The following HDAC2 variants were observed in gnomAD, a reference collection of about 807,000 sequenced individuals.
HDAC2 encodes histone deacetylase 2.
HDAC2 carries 5 observed loss-of-function variants against 68.5 expected under a neutral mutation model. That is an observed-to-expected ratio of 0.07 (90% confidence interval 0.04 to 0.15). The LOEUF is 0.15. Ranked by LOEUF, HDAC2 falls within the 10% of genes least tolerant of loss-of-function variation. The pLI, the probability that HDAC2 is intolerant of heterozygous loss-of-function variation, is 1.00. For synonymous variants in HDAC2, 182 were observed against 191.3 expected, an observed-to-expected ratio of 0.95 and a Z score of 0.40; for missense variants, 291 against 600.8, an observed-to-expected ratio of 0.48 and a Z score of 5.39.
intron 1 of HDAC2, among the ~76,000 whole-genome samples, chr6:113,965,744 A>G (rs897221601): frequency 2.0e-5 from 3 of 152,178 alleles, no homozygotes; most frequent in African/African-American, 7.2e-5. Context: ...TATTTGGCAC[A>G]CAGTAGGAAC....
Position 113,934,528 on chromosome 6 carries a change from T to C in HDAC2, c.*6530A>G, listed in dbSNP as rs1301925965. The C allele has an allele frequency of 1.3e-5, 2 of 152,184 alleles. No individual in the cohort carries two copies. Among genetic ancestry groups the C allele is most frequent in the Admixed American group, 1.3e-4 (2 of 15,278 alleles). The allele number at this position is 152,184 out of a possible 1,614,324, so 9.4% of individuals were successfully genotyped here. ...GGTCGGAAGTACAAACAATTTAAGATGAGGCTTGTTTACCTTACCTATAGG... is the reference window on the plus strand; with the variant it reads ...GGTCGGAAGTACAAACAATTTAAGACGAGGCTTGTTTACCTTACCTATAGG... On this transcript the variant is annotated 3_prime_UTR_variant, in exon 14 of 14. Transcript: ENST00000519065.
chr6:113,956,240 C>A, intron 4 of HDAC2, 89 bp from the exon 5 acceptor site: 1 of 1,044,692 alleles, frequency 9.6e-7, no homozygotes, highest in Non-Finnish European at 1.4e-6. Context: ...GTATGCCATG[C>A]ATAAGCAAGA....
chr6:113,954,199 C>T (rs1473282911), intron 5 of HDAC2, among the ~76,000 whole-genome samples: 1 of 152,184 alleles, frequency 6.6e-6, no homozygotes, highest in Non-Finnish European at 1.5e-5. Flanking sequence ...CTTCTCATGT[C>T]ATCCTTTTGA....
chr6:113,970,063 T>C (rs1360292850), intron 1 of HDAC2: 1 of 152,082 alleles, frequency 6.6e-6, no homozygotes, highest in East Asian at 1.9e-4. Flanking sequence ...TCCTACGAAG[T>C]CTTTCTGCCT....
chr6:113,960,086 GTA>G (rs908086196), intron 1 of HDAC2, 68 bp from the exon 2 acceptor site: 2 of 802,064 alleles, frequency 2.5e-6, no homozygotes. Flanking sequence ...TTGAATTTAT[GTA>G]TGTCTATCAT....
rs751710069 is a variant in HDAC2, at chr6:113,956,742, A to C, written c.284-49T>G. On this transcript the variant is annotated intron_variant, in intron 3 of 13. Transcript: ENST00000519065. Reference sequence around the variant, plus strand: ...TTTCAACACATTCTGCAAATTAATGAAAGCCTTTTCTTACAAAAACTATTT... The same window carrying C: ...TTTCAACACATTCTGCAAATTAATGCAAGCCTTTTCTTACAAAAACTATTT... The C allele has an allele frequency of 2.1e-5, 29 of 1,358,832 alleles. No homozygotes were observed. In the East Asian group the frequency reaches 3.2e-4, roughly 15 times the overall value. 84.2% of individuals were successfully genotyped at this position (1,358,832 alleles called of 1,614,324 possible).
At chr6:113,949,406 A>G in intron 6 of HDAC2, 146 bp from the exon 7 acceptor site, 3 of 623,384 alleles carry the variant, frequency 4.8e-6, no homozygotes, top group Non-Finnish European at 8.6e-6. Context: ...GGAACAATCA[A>G]ACTGAGAAAG....
chr6:113,956,904 TATC>T, intron 3 of HDAC2: 1 of 473,982 alleles, frequency 2.1e-6, no homozygotes, highest in Non-Finnish European at 3.8e-6. Context: ...CATCAAATCT[TATC>T]AGGATTATCT....
In HDAC2 at chr6:113,939,206, C is replaced by G. The variant is rs975292757; in HGVS notation, c.*1852G>C. The G allele has an allele frequency of 6.6e-6, 1 of 152,388 alleles. No individual in the cohort carries two copies. The allele number at this position is 152,388 out of a possible 1,614,324, so 9.4% of individuals were successfully genotyped here. ...CCCCTGTTGTCCTGTGAGCTGCAGG[C>G]ACTGGGAAATCCACAGGGAGGATGC... On this transcript the variant is annotated 3_prime_UTR_variant, in exon 14 of 14. Transcript: ENST00000519065.
At chr6:113,967,699 A>G (rs1776856334) in intron 1 of HDAC2, among the ~76,000 whole-genome samples, 1 of 152,240 alleles carries the variant, frequency 6.6e-6, no homozygotes. Context: ...TAAAAATGTG[A>G]GTGGTATAAC....
Position 113,949,269 on chromosome 6 carries a change from C to A in HDAC2, c.640-9G>T. On this transcript the variant is annotated splice_polypyrimidine_tract_variant and intron_variant, in intron 6 of 13. Transcript: ENST00000519065. ...TTTCCAGCACCAATATCCTAAAATA[C>A]ATAATTAAACTGATCTTAGAGAATA... 1 of 1,444,648 alleles carries A rather than the reference C, an allele frequency of 6.9e-7. No homozygotes were observed. Among genetic ancestry groups the A allele is most frequent in the Non-Finnish European group, 9.7e-7 (1 of 1,025,938 alleles). The allele number at this position is 1,444,648 out of a possible 1,614,324, so 89.5% of individuals were successfully genotyped here. A position where few individuals can be genotyped will look rare whatever the true frequency, so the allele number is the denominator to read the frequency against.
In HDAC2 at chr6:113,943,379, A is replaced by T. The variant is rs769362495; in HGVS notation, c.1350T>A (p.Asp450Glu). ...TTTTTTTGTCCTCTGTTTCTTTCTT[A>T]TCTTCTTCAATTCTAGCTTTCTTTG... ...KGAKKARIEEDKKETEDKKTD... is the reference protein window; with the variant it reads ...KGAKKARIEEEKKETEDKKTD... The change falls in exon 12 of 14, where the codon GAT (aspartate) becomes GAA (glutamate). Residue 450 changes from aspartate (D) to glutamate (E), a missense_variant. Asp to Glu is a conservative substitution (Grantham distance 45). This residue lies in a region of HDAC2 where 137 missense variants were observed against 128.7 expected (regional missense o/e 1.06). Coordinates refer to ENST00000519065, the MANE Select transcript of HDAC2 (RefSeq NM_001527.4). 3.7e-6 allele frequency: 6 copies of T among 1,608,826 alleles called. No individual in the cohort carries two copies. The African/African-American group carries it at 6.7e-5, about 18-fold the overall frequency.
intron 4 of HDAC2, 119 bp downstream of exon 4, chr6:113,956,500 C>G (rs1414688628): frequency 1.4e-6 from 1 of 725,146 alleles, no homozygotes; most frequent in East Asian, 2.6e-5. Flanking sequence ...TATAAACATA[C>G]TGATTTCCTT....
Position 113,935,708 on chromosome 6 carries a change from G to T in HDAC2, c.*5350C>A, listed in dbSNP as rs771477913. The T allele has an allele frequency of 7.2e-5, 11 of 152,096 alleles. No individual in the cohort carries two copies. The highest frequency in any genetic ancestry group is 1.5e-4 in the Non-Finnish European group (10 of 68,008). 9.4% of individuals were successfully genotyped at this position (152,096 alleles called of 1,614,324 possible). A position where few individuals can be genotyped will look rare whatever the true frequency, so the allele number is the denominator to read the frequency against. Reference sequence around the variant, plus strand: ...TAATTATACATTTCTTTAACATTTAGAGTAAAAACAATCTTAATAAAAAGA... The same window carrying T: ...TAATTATACATTTCTTTAACATTTATAGTAAAAACAATCTTAATAAAAAGA... On this transcript the variant is annotated 3_prime_UTR_variant, in exon 14 of 14. Transcript: ENST00000519065.
intron 6 of HDAC2, among the ~76,000 whole-genome samples, chr6:113,952,067 A>C (rs1776432464): frequency 1.3e-5 from 2 of 152,192 alleles, no homozygotes; most frequent in Admixed American, 6.5e-5. Context: ...GTATTCTATC[A>C]GTTTACAGCA....
chr6:113,960,062 C>T (rs758778107), intron 1 of HDAC2, 44 bp from the exon 2 acceptor site: 2 of 914,078 alleles, frequency 2.2e-6, no homozygotes, highest in East Asian at 4.8e-5. Context: ...GACAAGAGAC[C>T]CTCCATGAAC....
At chr6:113,945,618 A>C (rs1776248343) in intron 9 of HDAC2, 148 bp from the exon 10 acceptor site, 2 of 648,972 alleles carry the variant, frequency 3.1e-6, no homozygotes, top group Non-Finnish European at 5.5e-6. Context: ...TTTATAAAGA[A>C]TGGCACTTAC....
Position 113,953,180 on chromosome 6 carries a change from AATT to A in HDAC2, c.639+94_639+96del, listed in dbSNP as rs1488041189. On this transcript the variant is annotated intron_variant, in intron 6 of 13. Transcript: ENST00000519065. Reference sequence around the variant, plus strand: ...AATTCAATTCTGCATACAAGTTTCAAATTATTAACTCAGGAGAAAAATACTACT... The same window carrying A: ...AATTCAATTCTGCATACAAGTTTCAAATTAACTCAGGAGAAAAATACTACT... 8.1e-6 allele frequency: 7 copies of A among 860,394 alleles called. No individual in the cohort carries two copies. In the Middle Eastern group the frequency reaches 7.3e-4, roughly 90 times the overall value. 53.3% of individuals were successfully genotyped at this position (860,394 alleles called of 1,614,324 possible). A position where few individuals can be genotyped will look rare whatever the true frequency, so the allele number is the denominator to read the frequency against.
intron 6 of HDAC2, among the ~76,000 whole-genome samples, chr6:113,952,601 T>C (rs886644494): frequency 2.0e-5 from 3 of 152,176 alleles, no homozygotes; most frequent in East Asian, 1.9e-4. Context: ...GTTTAAATTA[T>C]TGAATAAATT....
Sources: allele counts gnomAD v4.1 joint callset (sites outside exome capture counted in the v4.1 genomes callset), GRCh38; gene constraint gnomAD v4.1.1; regional missense constraint gnomAD v4.1.1; transcripts MANE v1.5; gene names NCBI Gene and HGNC (gene_info 2026-07-23, HGNC 2026-07-21).